KPNA7: variants seen among roughly 807,000 people sequenced by gnomAD.
The protein encoded by KPNA7 is karyopherin subunit alpha 7.
A neutral mutation model predicts 53.7 loss-of-function variants in KPNA7; 54 were observed. The observed-to-expected ratio is 1.01, with a 90% CI of 0.81 to 1.26. The LOEUF (loss-of-function observed/expected upper bound fraction) is 1.26. KPNA7 is among the 50% of genes most tolerant of loss of function. The probability of loss-of-function intolerance (pLI) is 0.00; values close to 1 mark genes in which losing one functional copy is unlikely to be tolerated. For synonymous variants in KPNA7, 276 were observed against 259.3 expected (o/e 1.06, Z -0.62); for missense variants, 640 against 644.5 (o/e 0.99, Z 0.07).
At chr7:99,204,978 G>A (rs111491908) in intron 2 of KPNA7, among the ~76,000 whole-genome samples, 9 of 152,214 alleles carry the variant, frequency 5.9e-5, no homozygotes, top group African/African-American at 1.9e-4. Flanking sequence ...GTTCCTGCCT[G>A]TAAAAACTTT....
chr7:99,199,731 A>T (rs1363353488), intron 3 of KPNA7, among the ~76,000 whole-genome samples: 1 of 152,214 alleles, frequency 6.6e-6, no homozygotes, highest in East Asian at 1.9e-4. Context: ...CAAGAAAATA[A>T]ACTAGACTTC....
the KPNA7 span, among the ~76,000 whole-genome samples, chr7:99,153,615 T>C: frequency 2.6e-5 from 4 of 151,998 alleles, no homozygotes; most frequent in East Asian, 1.9e-4. Context: ...AAACAGACTT[T>C]GGTTTCCTTC....
At chr7:99,198,616 A>G (rs1217784615) in intron 3 of KPNA7, among the ~76,000 whole-genome samples, 1 of 152,202 alleles carries the variant, frequency 6.6e-6, no homozygotes, top group Non-Finnish European at 1.5e-5. Flanking sequence ...AACTGGAATA[A>G]AAGGAAACTT....
At chr7:99,147,248 G>A in the KPNA7 span, among the ~76,000 whole-genome samples, 2 of 152,308 alleles carry the variant, frequency 1.3e-5, no homozygotes, top group Middle Eastern at 3.4e-3. Flanking sequence ...TAGCAGGCTA[G>A]AACATAGATG....
chr7:99,156,230 T>G, the KPNA7 span, among the ~76,000 whole-genome samples: 1 of 152,198 alleles, frequency 6.6e-6, no homozygotes, highest in Non-Finnish European at 1.5e-5. Context: ...AAATATGATG[T>G]CTTATATGGC....
intron 3 of KPNA7, among the ~76,000 whole-genome samples, chr7:99,198,608 C>T (rs1790349268): frequency 6.6e-6 from 1 of 151,954 alleles, no homozygotes; most frequent in African/African-American, 2.4e-5. Flanking sequence ...ACTCAACAAA[C>T]TGGAATAAAA....
upstream of KPNA7, among the ~76,000 whole-genome samples, chr7:99,211,412 ACT>A (rs1316529026): frequency 4.6e-5 from 7 of 152,264 alleles, no homozygotes; most frequent in African/African-American, 1.7e-4. Flanking sequence ...ACAGAGTGAG[ACT>A]CTGTCTCAAA....
At chr7:99,215,662 G>A (rs1014362738) in intron 1 of KPNA7, among the ~76,000 whole-genome samples, 2 of 152,100 alleles carry the variant, frequency 1.3e-5, no homozygotes, top group Non-Finnish European at 2.9e-5. Context: ...CAGCGACCAG[G>A]AGAGCTGGGT....
At chr7:99,195,461 G>T in intron 4 of KPNA7, 123 bp from the exon 5 acceptor site, 2 of 893,632 alleles carry the variant, frequency 2.2e-6, no homozygotes, top group South Asian at 1.7e-5. Context: ...GACCAAGGCG[G>T]GCAGATCACT....
the KPNA7 span, among the ~76,000 whole-genome samples, chr7:99,167,728 AC>A: frequency 1.5e-5 from 2 of 132,396 alleles, no homozygotes; most frequent in Non-Finnish European, 3.1e-5. Context: ...TGATCCGCCC[AC>A]CTTGGCCTCC....
rs1789670656 is a variant in KPNA7 at position 99,187,684 on chromosome 7, G to C, written c.900+616C>G. Among the ~76,000 whole-genome samples the C allele has an allele frequency of 2.7e-5, 4 of 150,610 alleles. No homozygotes were observed. In the South Asian group the frequency reaches 8.4e-4, roughly 32 times the overall value. On this transcript the variant is annotated intron_variant, in intron 7 of 10. Transcript: ENST00000327442. ...TTCTCCTGCCTCAGCCTCCCGAGTA[G>C]CTGGAATTACAGCTGTGCGCCATCA...
chr7:99,148,057 C>T, the KPNA7 span, among the ~76,000 whole-genome samples: 3 of 151,532 alleles, frequency 2.0e-5, no homozygotes, highest in East Asian at 5.8e-4. Flanking sequence ...TAACAAAAAG[C>T]ATTTGCCCAC....
At chr7:99,175,052 C>A (rs1275985747) in intron 10 of KPNA7, among the ~76,000 whole-genome samples, 1 of 151,274 alleles carries the variant, frequency 6.6e-6, no homozygotes, top group Non-Finnish European at 1.5e-5. Context: ...CTCAGGTGAT[C>A]CACCCGCCTT....
chr7:99,193,026 G>T lies in KPNA7; in HGVS notation c.629C>A (p.Thr210Asn). ...AAAGAAAAAGACACTTACCGGCAGG[G>T]TGGGTGAAATCAAGGCTAGGAGATG... is the stretch of plus-strand genomic sequence containing the variant. The part of the protein sequence containing the change: ...IPHLLALISP[T>N]LPITFLRNIT... The change falls in exon 6 of 11, where the codon ACC becomes AAC. Residue 210 changes from threonine (T) to asparagine (N), a missense_variant. Transcript: ENST00000327442. 1 of 1,500,800 alleles carries T rather than the reference G, an allele frequency of 6.7e-7. No individual in the cohort carries two copies. Among genetic ancestry groups the T allele is most frequent in the East Asian group, 2.5e-5 (1 of 39,694 alleles). 93.0% of individuals were successfully genotyped at this position (1,500,800 alleles called of 1,614,324 possible).
the KPNA7 span, among the ~76,000 whole-genome samples, chr7:99,159,348 C>CAAAAAAAAAAAAAAA: frequency 1.7e-5 from 1 of 58,148 alleles, no homozygotes; most frequent in Non-Finnish European, 3.4e-5. Flanking sequence ...GACACTGTCT[C>CAAAAAAAAAAAAAAA]AAAAAAAAAA....
At chr7:99,178,253 T>C (rs935773465) in intron 9 of KPNA7, among the ~76,000 whole-genome samples, 187 bp from the exon 10 acceptor site, 1 of 152,100 alleles carries the variant, frequency 6.6e-6, no homozygotes, top group Non-Finnish European at 1.5e-5. Context: ...CCACTTTAGG[T>C]ATCCACGATA....
At chr7:99,171,464 T>C (rs1008149738), downstream of KPNA7, among the ~76,000 whole-genome samples, 1 of 151,996 alleles carries the variant, frequency 6.6e-6, no homozygotes, top group African/African-American at 2.4e-5. Flanking sequence ...GTTTTGGAGA[T>C]GGGGTCTCAC....
rs1357429910 is a variant in KPNA7 at position 99,190,349 on chromosome 7, AGCAG to A, written c.637-1790_637-1787del. Among the ~76,000 whole-genome samples, 122 of 144,368 alleles carry A rather than the reference AGCAG, an allele frequency of 8.5e-4. No homozygotes were observed. In the South Asian group the frequency reaches 9.6e-3, roughly 11 times the overall value. 94.7% of individuals were successfully genotyped at this position (144,368 alleles called of 152,430 possible). A position where few individuals can be genotyped will look rare whatever the true frequency, so the allele number is the denominator to read the frequency against. On this transcript the variant is annotated intron_variant, in intron 6 of 10. Coordinates refer to ENST00000327442, the MANE Select transcript of KPNA7 (RefSeq NM_001145715.3). ...AGACTCTGTCTCAAAAAAAAAAAAA[AGCAG>A]AAAAAAAAGCAGAAAAAAAAGAAAG...
At chr7:99,152,861 T>C in the KPNA7 span, among the ~76,000 whole-genome samples, 1 of 152,206 alleles carries the variant, frequency 6.6e-6, no homozygotes, top group East Asian at 1.9e-4. Flanking sequence ...CTTTAATAAG[T>C]GAGAGTCCTC....
Sources: gnomAD v4.1 joint callset for allele counts (sites outside exome capture counted in the v4.1 genomes callset) on GRCh38, gnomAD v4.1.1 for gene constraint, MANE v1.5 for transcripts, NCBI Gene and HGNC (gene_info 2026-07-23, HGNC 2026-07-21) for gene names.